PRKG1: variants seen among roughly 807,000 people sequenced by gnomAD.
PRKG1 encodes cGMP-dependent protein kinase 1.
In PRKG1, 35 loss-of-function variants were observed where a neutral mutation model predicts 88.1. The ratio of observed to expected loss-of-function variants is 0.40; its 90% confidence interval spans 0.30 to 0.53. The LOEUF (loss-of-function observed/expected upper bound fraction) is 0.53, where lower values mean the gene tolerates loss of function less well. PRKG1 is among the 20% of genes least tolerant of loss of function. PRKG1 has a pLI of 0.59. For missense variants in PRKG1, 540 were observed against 839.8 expected (o/e 0.64, Z 4.41); for synonymous variants, 303 against 292.5 (o/e 1.04, Z -0.37).
At chr10:51,521,295 A>C (rs1589041892) in intron 3 of PRKG1, among the ~76,000 whole-genome samples, 1 of 152,346 alleles carries the variant, frequency 6.6e-6, no homozygotes, top group South Asian at 2.1e-4. Context: ...GTCTCAAAAA[A>C]ACAAAAAACT....
upstream of PRKG1, chr10:51,074,389 A>T (rs905693512): frequency 2.2e-6 from 3 of 1,347,978 alleles, no homozygotes; most frequent in African/African-American, 4.5e-5. Context: ...CAGCCCAGAG[A>T]AGTGGAATCT....
At chr10:52,041,030 G>A (rs932498332) in intron 5 of PRKG1, among the ~76,000 whole-genome samples, 17 of 151,618 alleles carry the variant, frequency 1.1e-4, no homozygotes, top group Admixed American at 2.6e-4. Context: ...GTAGAGACGA[G>A]GTTTTACCAT....
At chr10:51,251,981 C>A (rs965732254) in intron 2 of PRKG1, among the ~76,000 whole-genome samples, 1 of 151,744 alleles carries the variant, frequency 6.6e-6, no homozygotes, top group Non-Finnish European at 1.5e-5. Flanking sequence ...ATATTACTTG[C>A]ATATTTATGT....
intron 8 of PRKG1, among the ~76,000 whole-genome samples, chr10:52,144,629 G>A (rs547122356): frequency 3.9e-5 from 6 of 152,188 alleles, no homozygotes; most frequent in South Asian, 4.2e-4. Context: ...TGGCCAACAT[G>A]GTGAAACCCT....
intron 9 of PRKG1, among the ~76,000 whole-genome samples, chr10:52,217,338 A>ATG: frequency 2.1e-5 from 1 of 48,428 alleles, no homozygotes; most frequent in East Asian, 1.3e-3. Flanking sequence ...GTACACATTT[A>ATG]TATATCTATC....
intron 2 of PRKG1, among the ~76,000 whole-genome samples, chr10:51,285,610 A>G (rs1840419897): frequency 6.6e-6 from 1 of 152,212 alleles, no homozygotes; most frequent in Non-Finnish European, 1.5e-5. Flanking sequence ...TCCTGCAATG[A>G]GTGAGACCAA....
intron 4 of PRKG1, among the ~76,000 whole-genome samples, chr10:51,879,416 A>G (rs1375973490): frequency 6.6e-6 from 1 of 152,192 alleles, no homozygotes; most frequent in Non-Finnish European, 1.5e-5. Context: ...AACCAAACAC[A>G]TACAGAACTA....
intron 12 of PRKG1, among the ~76,000 whole-genome samples, chr10:52,275,773 A>G (rs1190948384): frequency 2.6e-5 from 4 of 152,074 alleles, no homozygotes; most frequent in Non-Finnish European, 5.9e-5. Flanking sequence ...TTGACAGTAT[A>G]GTCATTTTCA....
rs1315635019 is a variant in PRKG1, at chr10:51,512,328, A to G, written c.592+44492A>G. Among the ~76,000 whole-genome samples, 162 of 136,798 alleles carry G rather than the reference A, an allele frequency of 1.2e-3. 1 individual carries two copies. Among genetic ancestry groups the G allele is most frequent in the African/African-American group, 4.1e-3 (152 of 36,940 alleles). 89.7% of individuals were successfully genotyped at this position (136,798 alleles called of 152,430 possible). Reference sequence around the variant, plus strand: ...CATTTAGCATTAGATATATCTCCCAATGCTATCCCTCCCCCCTCCCCCCAC... The same window carrying G: ...CATTTAGCATTAGATATATCTCCCAGTGCTATCCCTCCCCCCTCCCCCCAC... On this transcript the variant is annotated intron_variant, in intron 3 of 17. Transcript: ENST00000373980.
chr10:51,566,453 T>C (rs1378605493), intron 3 of PRKG1, among the ~76,000 whole-genome samples: 2 of 152,112 alleles, frequency 1.3e-5, no homozygotes, highest in Non-Finnish European at 2.9e-5. Flanking sequence ...CTGCTCTGAG[T>C]GTTGAGAACC....
intron 5 of PRKG1, among the ~76,000 whole-genome samples, chr10:52,051,513 C>T (rs184185669): frequency 4.1e-4 from 62 of 152,274 alleles, no homozygotes; most frequent in Non-Finnish European, 6.9e-4. Flanking sequence ...CTGGATTATT[C>T]TGGCATTGTT....
chr10:52,240,665 T>G (rs1840836799), intron 9 of PRKG1, among the ~76,000 whole-genome samples: 5 of 152,256 alleles, frequency 3.3e-5, no homozygotes, highest in Admixed American at 2.6e-4. Context: ...TTCATTTGAT[T>G]AACGCACCGA....
At chr10:51,706,746 C>A (rs28409788) in intron 3 of PRKG1, among the ~76,000 whole-genome samples, 10,709 of 152,092 alleles carry the variant, frequency 0.07, 399 homozygotes, top group East Asian at 0.085. Context: ...TAGTTCAACA[C>A]GTAATTTTGT....
At chr10:51,594,228 A>T (rs1380910236) in intron 3 of PRKG1, among the ~76,000 whole-genome samples, 1 of 151,996 alleles carries the variant, frequency 6.6e-6, no homozygotes, top group African/African-American at 2.4e-5. Flanking sequence ...GGGGTCTTGT[A>T]TATTGCTCAG....
intron 2 of PRKG1, among the ~76,000 whole-genome samples, chr10:51,174,228 T>C (rs1284344221): frequency 6.6e-6 from 1 of 151,980 alleles, no homozygotes; most frequent in Admixed American, 6.6e-5. Context: ...GAATAAGCCT[T>C]TGTTATTTAA....
intron 2 of PRKG1, among the ~76,000 whole-genome samples, chr10:51,455,395 T>C (rs972335489): frequency 1.3e-5 from 2 of 152,244 alleles, no homozygotes; most frequent in African/African-American, 4.8e-5. Flanking sequence ...CATTACTTAT[T>C]CAAATTTCTG....
At chr10:51,506,683 G>A (rs928406702) in intron 3 of PRKG1, among the ~76,000 whole-genome samples, 7 of 152,020 alleles carry the variant, frequency 4.6e-5, no homozygotes, top group South Asian at 2.1e-4. Flanking sequence ...GAGAAATAGG[G>A]ACACTTTTAC....
At chr10:51,415,098 C>T (rs1034695481) in intron 2 of PRKG1, among the ~76,000 whole-genome samples, 2 of 152,126 alleles carry the variant, frequency 1.3e-5, no homozygotes, top group Non-Finnish European at 2.9e-5. Flanking sequence ...AGTGACTTGC[C>T]CCAGGTCACA....
intron 5 of PRKG1, among the ~76,000 whole-genome samples, chr10:52,029,782 C>G (rs1379207629): frequency 6.6e-6 from 1 of 152,082 alleles, no homozygotes; most frequent in African/African-American, 2.4e-5. Context: ...TGCATGGTTC[C>G]CTTAGTTGTG....
Sources: allele counts gnomAD v4.1 joint callset (sites outside exome capture counted in the v4.1 genomes callset), GRCh38; gene constraint gnomAD v4.1.1; transcripts MANE v1.5; gene names NCBI Gene and HGNC (gene_info 2026-07-23, HGNC 2026-07-21).